The following KHDRBS3 variants were observed in gnomAD, a reference collection of about 807,000 sequenced individuals.
KHDRBS3 encodes the protein KH RNA binding domain containing, signal transduction associated 3, also known as KH domain-containing, RNA-binding, signal transduction-associated protein 3.
In KHDRBS3, 23 loss-of-function variants were observed where a neutral mutation model predicts 45.6. The observed-to-expected ratio is 0.50, with a 90% CI of 0.36 to 0.72. The LOEUF (loss-of-function observed/expected upper bound fraction) is 0.72, where lower values mean the gene tolerates loss of function less well. KHDRBS3 is among the 30% of genes least tolerant of loss of function. The pLI, the probability that KHDRBS3 is intolerant of heterozygous loss-of-function variation, is 0.00. For synonymous variants in KHDRBS3, 162 were observed against 156.5 expected (o/e 1.04, Z -0.26); for missense variants, 352 against 424.8 (o/e 0.83, Z 1.51).
At chr8:135,505,347 T>G (rs1343664045) in intron 1 of KHDRBS3, among the ~76,000 whole-genome samples, 1 of 152,124 alleles carries the variant, frequency 6.6e-6, no homozygotes, top group African/African-American at 2.4e-5. Context: ...TCCAAAACCT[T>G]GGCCTGTCTA....
intron 7 of KHDRBS3, among the ~76,000 whole-genome samples, chr8:135,632,234 A>C (rs1563819882): frequency 6.6e-6 from 1 of 152,058 alleles, no homozygotes; most frequent in Non-Finnish European, 1.5e-5. Context: ...TCCTCTGAGC[A>C]CCTTTGCCAC....
chr8:135,458,665 A>C (rs963164505), intron 1 of KHDRBS3: 1 of 355,200 alleles, frequency 2.8e-6, no homozygotes, highest in African/African-American at 2.1e-5. Flanking sequence ...AGAGGCCGGC[A>C]AAAGAGCACC....
chr8:135,552,969 C>T (rs1039982884), intron 4 of KHDRBS3, among the ~76,000 whole-genome samples: 1 of 152,112 alleles, frequency 6.6e-6, no homozygotes, highest in African/African-American at 2.4e-5. Context: ...TGGGATGCCT[C>T]CTGTCTCCGC....
intron 5 of KHDRBS3, among the ~76,000 whole-genome samples, chr8:135,558,921 G>A (rs971550184): frequency 3.9e-5 from 6 of 152,104 alleles, no homozygotes; most frequent in South Asian, 2.1e-4. Flanking sequence ...ATTCCTTTCC[G>A]TGTCTCTTCC....
chr8:135,534,170 T>C (rs1317560980), intron 2 of KHDRBS3, among the ~76,000 whole-genome samples: 1 of 152,196 alleles, frequency 6.6e-6, no homozygotes, highest in African/African-American at 2.4e-5. Context: ...TAAATTTACA[T>C]TGTTTATCTA....
Position 135,457,942 on chromosome 8 carries a change from C to T in KHDRBS3, c.76C>T (p.Leu26=). The change falls in exon 1 of 9, where the codon CTG becomes TTG. Residue 26 remains leucine, a synonymous_variant. Transcript: ENST00000355849. This position sits in a 1 kb window ranked among gnomAD's most constrained non-coding sequence, Gnocchi z 4.4. The part of the protein sequence containing the change: ...LDPSFTHALR[L]VNQEIEKFQK... ...CCCCTCCTTCACGCACGCCCTGCGCCTGGTGAACCAAGGTGAGGCGCCGGC... is the reference window on the plus strand; with the variant it reads ...CCCCTCCTTCACGCACGCCCTGCGCTTGGTGAACCAAGGTGAGGCGCCGGC... The T allele has an allele frequency of 6.3e-7, 1 of 1,598,412 alleles. No individual in the cohort carries two copies. The highest frequency in any genetic ancestry group is 8.5e-7 in the Non-Finnish European group (1 of 1,173,256).
chr8:135,484,635 A>G (rs879121969), intron 1 of KHDRBS3, among the ~76,000 whole-genome samples: 34 of 152,322 alleles, frequency 2.2e-4, no homozygotes, highest in African/African-American at 7.7e-4. Context: ...TTTATGTAAC[A>G]TGTATGTTTG....
chr8:135,601,042 C>A (rs771652347), intron 6 of KHDRBS3, among the ~76,000 whole-genome samples: 6 of 152,162 alleles, frequency 3.9e-5, no homozygotes, highest in Non-Finnish European at 8.8e-5. Flanking sequence ...CTTTATACTG[C>A]CAGGTTTCCT....
intron 1 of KHDRBS3, chr8:135,458,840 C>T: frequency 4.4e-6 from 2 of 455,710 alleles, no homozygotes; most frequent in Admixed American, 4.7e-5. Context: ...TCTGGAGGCA[C>T]GCCTACCCGG....
chr8:135,507,280 C>T (rs1293665171), intron 1 of KHDRBS3, among the ~76,000 whole-genome samples: 1 of 152,172 alleles, frequency 6.6e-6, no homozygotes, highest in Non-Finnish European at 1.5e-5. Context: ...GAATAGAAGA[C>T]AGTCAGATAT....
chr8:135,548,748 T>C lies in KHDRBS3; in HGVS notation c.325-6T>C. ...TTAAATGTGATTTCTTTTTTCCTTT[T>C]TCCAGGAAGAAGAGTTGAGGAAAAG... On this transcript the variant is annotated splice_polypyrimidine_tract_variant and splice_region_variant and intron_variant, in intron 3 of 8. Transcript: ENST00000355849. The C allele has an allele frequency of 6.7e-7, 1 of 1,502,174 alleles. No individual in the cohort carries two copies. The highest frequency in any genetic ancestry group is 8.9e-7 in the Non-Finnish European group (1 of 1,125,204). 93.1% of individuals were successfully genotyped at this position (1,502,174 alleles called of 1,614,324 possible). A position where few individuals can be genotyped will look rare whatever the true frequency, so the allele number is the denominator to read the frequency against.
At chr8:135,467,102 C>T (rs111899979) in intron 1 of KHDRBS3, among the ~76,000 whole-genome samples, 21 of 152,308 alleles carry the variant, frequency 1.4e-4, no homozygotes, top group Middle Eastern at 3.4e-3. Context: ...ACCCCATAAA[C>T]ATGTACACCT....
At chr8:135,603,455 G>T (rs1829308732) in intron 6 of KHDRBS3, among the ~76,000 whole-genome samples, 2 of 152,218 alleles carry the variant, frequency 1.3e-5, no homozygotes, top group African/African-American at 4.8e-5. Context: ...TCCCTTGATT[G>T]ACTATTGGAA....
intron 2 of KHDRBS3, among the ~76,000 whole-genome samples, chr8:135,527,970 G>A (rs1262239706): frequency 1.3e-5 from 2 of 152,162 alleles, no homozygotes; most frequent in African/African-American, 4.8e-5. Context: ...TGGGCAAAAT[G>A]TGCCTGAGGT....
At chr8:135,640,940 T>C (rs1425530802) in intron 7 of KHDRBS3, among the ~76,000 whole-genome samples, 2 of 152,216 alleles carry the variant, frequency 1.3e-5, no homozygotes, top group Non-Finnish European at 2.9e-5. Flanking sequence ...AACGAAATGC[T>C]GTGAAAGCAA....
intron 1 of KHDRBS3, among the ~76,000 whole-genome samples, chr8:135,500,081 T>A (rs1374701114): frequency 6.6e-6 from 1 of 152,164 alleles, no homozygotes; most frequent in African/African-American, 2.4e-5. Context: ...TTTTTTCATA[T>A]CATTAATTGA....
chr8:135,504,751 A>C (rs1208104832), intron 1 of KHDRBS3, among the ~76,000 whole-genome samples: 1 of 152,206 alleles, frequency 6.6e-6, no homozygotes, highest in Non-Finnish European at 1.5e-5. Context: ...CTTCCTGTGC[A>C]TTTCACAGGG....
Position 135,536,980 on chromosome 8 carries a change from A to AAG in KHDRBS3, c.208-5673_208-5672insGA, listed in dbSNP as rs1383675922. 3.8e-5 allele frequency among the ~76,000 whole-genome samples: 2 copies of AAG among 51,968 alleles called. 1 individual carries two copies. The highest frequency in any genetic ancestry group is 1.8e-4 in the African/African-American group (2 of 11,318). 34.1% of individuals were successfully genotyped at this position (51,968 alleles called of 152,430 possible). A position where few individuals can be genotyped will look rare whatever the true frequency, so the allele number is the denominator to read the frequency against. ...AAACTCCATCTCAAAAAAAAAAAAAAAAAAAAAAAAAAAAAAAGGAGATGT... is the reference window on the plus strand; with the variant it reads ...AAACTCCATCTCAAAAAAAAAAAAAAAGAAAAAAAAAAAAAAAAAGGAGATGT... On this transcript the variant is annotated intron_variant, in intron 2 of 8. Transcript: ENST00000355849.
intron 7 of KHDRBS3, among the ~76,000 whole-genome samples, chr8:135,612,549 T>C: frequency 6.6e-6 from 1 of 151,908 alleles, no homozygotes; most frequent in East Asian, 1.9e-4. Context: ...TGATGTCTTA[T>C]CTAACATGTC....
Sources: allele counts gnomAD v4.1 joint callset (sites outside exome capture counted in the v4.1 genomes callset), GRCh38; gene constraint gnomAD v4.1.1; non-coding constraint Gnocchi (gnomAD v3.1); transcripts MANE v1.5; gene names NCBI Gene and HGNC (gene_info 2026-07-23, HGNC 2026-07-21).